Variants in MAP3K1 observed in about 807,000 individuals in gnomAD.
The protein encoded by MAP3K1 is MAP/ERK kinase kinase 1.
In MAP3K1, 36 loss-of-function variants were observed where a neutral mutation model predicts 144.2. That is an observed-to-expected ratio of 0.25 (90% CI 0.19 to 0.33). MAP3K1 has a LOEUF of 0.33. Ranked by LOEUF, MAP3K1 falls within the 10% of genes least tolerant of loss-of-function variation. The pLI is 1.00. For missense variants in MAP3K1, 1,650 were observed against 1,881.9 expected, an observed-to-expected ratio of 0.88 and a Z score of 2.28; for synonymous variants, 718 against 688.7, an observed-to-expected ratio of 1.04 and a Z score of -0.67.
chr5:56,860,228 A>G (rs1300576774), intron 3 of MAP3K1, among the ~76,000 whole-genome samples: 2 of 152,242 alleles, frequency 1.3e-5, no homozygotes, highest in Non-Finnish European at 2.9e-5. Flanking sequence ...GCTATGTATC[A>G]GCCATTAAAG....
At chr5:56,847,788 C>T (rs1445023136) in intron 1 of MAP3K1, among the ~76,000 whole-genome samples, 1 of 152,162 alleles carries the variant, frequency 6.6e-6, no homozygotes, top group African/African-American at 2.4e-5. Context: ...ATTCTCTGCT[C>T]ATAATAATGC....
chr5:56,856,314 A>G (rs1747342801), intron 1 of MAP3K1, among the ~76,000 whole-genome samples: 1 of 152,220 alleles, frequency 6.6e-6, no homozygotes, highest in Non-Finnish European at 1.5e-5. Context: ...TTTGGGTGGT[A>G]GAATTAAAAA....
intron 1 of MAP3K1, among the ~76,000 whole-genome samples, chr5:56,826,057 G>A (rs1033066015): frequency 1.3e-5 from 2 of 151,500 alleles, no homozygotes; most frequent in African/African-American, 2.4e-5. Context: ...ATTTGAAATG[G>A]CTTCTCTGGT....
intron 6 of MAP3K1, 99 bp from the exon 7 acceptor site, chr5:56,871,811 A>G (rs1269259575): frequency 6.6e-6 from 7 of 1,063,332 alleles, no homozygotes; most frequent in Admixed American, 1.9e-5. Flanking sequence ...AAGAATTTCT[A>G]ATGTATTTAT....
rs111979074 is a variant in MAP3K1 at position 56,835,289 on chromosome 5, G to A, written c.482+19234G>A. Among the ~76,000 whole-genome samples the A allele has an allele frequency of 9.0e-3, 1,367 of 151,690 alleles. 22 individuals carry two copies. Among genetic ancestry groups the A allele is most frequent in the African/African-American group, 0.032 (1,320 of 41,296 alleles). On this transcript the variant is annotated intron_variant, in intron 1 of 19. Coordinates refer to ENST00000399503, the MANE Select transcript of MAP3K1 (RefSeq NM_005921.2). ...TGAGACCACTGCAGGTTAGGAGACA[G>A]GAAGGCAGGGAAGAGGAGACAGGAA...
chr5:56,816,122 G>T, intron 1 of MAP3K1, 67 bp downstream of exon 1: 2 of 1,177,350 alleles, frequency 1.7e-6, no homozygotes, highest in Non-Finnish European at 1.1e-6. Context: ...AATGAACCCC[G>T]GGCACCATGC....
At chr5:56,862,930 A>G (rs1030201884) in intron 3 of MAP3K1, among the ~76,000 whole-genome samples, 3 of 152,234 alleles carry the variant, frequency 2.0e-5, no homozygotes, top group African/African-American at 7.2e-5. Flanking sequence ...GTTTTTAAAC[A>G]TCTTTATTAC....
In MAP3K1 at chr5:56,871,793, A is replaced by T. The variant is rs1747860689; in HGVS notation, c.1302-117A>T. ...AATATGTATCTCTTAGTTATATAAG[A>T]TGCTCTTAAGAATTTCTAATGTATT... is the stretch of plus-strand genomic sequence containing the variant. On this transcript the variant is annotated intron_variant, in intron 6 of 19. Coordinates refer to ENST00000399503, the MANE Select transcript of MAP3K1 (RefSeq NM_005921.2). 3.5e-6 allele frequency: 3 copies of T among 856,628 alleles called. No homozygotes were observed. The South Asian group carries it at 4.3e-5, about 12-fold the overall frequency. 53.1% of individuals were successfully genotyped at this position (856,628 alleles called of 1,614,324 possible).
At position 56,841,658 on chromosome 5, in the gene MAP3K1, A is replaced by G. The variant is rs544799841; in HGVS notation, c.483-14942A>G. 2.7e-4 allele frequency among the ~76,000 whole-genome samples: 41 copies of G among 152,362 alleles called. 1 individual carries two copies. Among genetic ancestry groups the G allele is most frequent in the Non-Finnish European group, 3.8e-4 (26 of 68,032 alleles). ...AGCTTTCTATCTTCTGATGGTGTCT[A>G]TCTGCCTGACAGGAATAATATTGAT... On this transcript the variant is annotated intron_variant, in intron 1 of 19. Coordinates refer to ENST00000399503, the MANE Select transcript of MAP3K1 (RefSeq NM_005921.2).
chr5:56,844,900 A>G (rs12521083), intron 1 of MAP3K1, among the ~76,000 whole-genome samples: 9,667 of 152,266 alleles, frequency 0.063, 384 homozygotes, highest in South Asian at 0.16. Context: ...ATTCTTCCTC[A>G]TTCTGAGCAT....
chr5:56,865,508 T>A, intron 5 of MAP3K1, 52 bp downstream of exon 5: 4 of 1,062,200 alleles, frequency 3.8e-6, no homozygotes, highest in Non-Finnish European at 4.4e-6. Context: ...TCTTAGGATA[T>A]ATTCTTAAAA....
rs1457320038 is a variant in MAP3K1 at position 56,893,704 on chromosome 5, T to G, written c.*24T>G. 6.2e-7 allele frequency: 1 copy of G among 1,612,840 alleles called. No homozygotes were observed. The highest frequency in any genetic ancestry group is 8.5e-7 in the Non-Finnish European group (1 of 1,179,220). On this transcript the variant is annotated 3_prime_UTR_variant, in exon 20 of 20. Transcript: ENST00000399503. Reference sequence around the variant, plus strand: ...AGCCAATTATGCAGATCAACTACAGTAGAAACAGGATGCTCAACAAGAGAA... The same window carrying G: ...AGCCAATTATGCAGATCAACTACAGGAGAAACAGGATGCTCAACAAGAGAA...
intron 3 of MAP3K1, among the ~76,000 whole-genome samples, chr5:56,863,152 T>A (rs1163428015): frequency 2.0e-5 from 3 of 152,212 alleles, no homozygotes; most frequent in African/African-American, 7.2e-5. Flanking sequence ...TTCCTTTGCT[T>A]TGCTTTGCTT....
chr5:56,817,754 A>G (rs185765765), intron 1 of MAP3K1, among the ~76,000 whole-genome samples: 3 of 152,318 alleles, frequency 2.0e-5, no homozygotes, highest in Admixed American at 2.0e-4. Context: ...TTGAGACCTA[A>G]CTTTTTGGAT....
chr5:56,839,571 T>A (rs1746750346), intron 1 of MAP3K1, among the ~76,000 whole-genome samples: 1 of 152,216 alleles, frequency 6.6e-6, no homozygotes, highest in Admixed American at 6.5e-5. Context: ...GTCATTTAGT[T>A]GAACATTTTG....
rs536873136 is a variant in MAP3K1, at chr5:56,872,490, C to A, written c.1424-151C>A. ...GCATTTGCAAATCAAAATCATTTAA[C>A]CTGCTGTGTTTACTTGCTTTCAGAT... On this transcript the variant is annotated intron_variant, in intron 7 of 19. Transcript: ENST00000399503. 5.1e-4 allele frequency: 325 copies of A among 641,320 alleles called. No individual in the cohort carries two copies. The African/African-American group carries it at 5.5e-3, about 11-fold the overall frequency. 39.7% of individuals were successfully genotyped at this position (641,320 alleles called of 1,614,324 possible).
At chr5:56,854,291 G>T (rs1490249169) in intron 1 of MAP3K1, among the ~76,000 whole-genome samples, 1 of 151,936 alleles carries the variant, frequency 6.6e-6, no homozygotes, top group East Asian at 1.9e-4. Context: ...AAATTAGCCA[G>T]GCGTGGTGGC....
chr5:56,845,200 A>G (rs547508869), intron 1 of MAP3K1, among the ~76,000 whole-genome samples: 1 of 152,314 alleles, frequency 6.6e-6, no homozygotes, highest in East Asian at 1.9e-4. Context: ...TTATGCCATA[A>G]CCTACATATA....
chr5:56,839,211 C>G (rs1002534197), intron 1 of MAP3K1, among the ~76,000 whole-genome samples: 1 of 152,282 alleles, frequency 6.6e-6, no homozygotes, highest in East Asian at 1.9e-4. Flanking sequence ...AGCAAACACA[C>G]CAGTATCCGA....
Sources: gnomAD v4.1 joint callset for allele counts (sites outside exome capture counted in the v4.1 genomes callset) on GRCh38, gnomAD v4.1.1 for gene constraint, MANE v1.5 for transcripts, NCBI Gene and HGNC (gene_info 2026-07-23, HGNC 2026-07-21) for gene names.